KIAA1191: variants seen among roughly 807,000 people sequenced by gnomAD.
KIAA1191 encodes KIAA1191.
A neutral mutation model predicts 31.1 loss-of-function variants in KIAA1191; 22 were observed. That is an observed-to-expected ratio of 0.71 (90% confidence interval 0.51 to 1.01). KIAA1191 has a LOEUF of 1.01. Among genes scored for constraint, KIAA1191 ranks in the 50% least tolerant of loss-of-function variants. The pLI, the probability that KIAA1191 is intolerant of heterozygous loss-of-function variation, is 0.00. For synonymous variants in KIAA1191, 130 were observed against 143.9 expected, an observed-to-expected ratio of 0.90 and a Z score of 0.69; for missense variants, 319 against 388.0, an observed-to-expected ratio of 0.82 and a Z score of 1.49.
At position 176,355,923 on chromosome 5, in the gene KIAA1191, C is replaced by G. The variant is rs1157328608; in HGVS notation, c.29-174G>C. 3 of 650,498 alleles carry G rather than the reference C, an allele frequency of 4.6e-6. No homozygotes were observed. The highest frequency in any genetic ancestry group is 8.1e-6 in the Non-Finnish European group (3 of 368,438). 40.3% of individuals were successfully genotyped at this position (650,498 alleles called of 1,614,324 possible). A position where few individuals can be genotyped will look rare whatever the true frequency, so the allele number is the denominator to read the frequency against. On this transcript the variant is annotated intron_variant, in intron 3 of 8. Transcript: ENST00000298569. This position sits in a 1 kb window ranked among gnomAD's most constrained non-coding sequence, Gnocchi z 4.2. ...AAGGCAGTGGTACCAATCCCTTCCT[C>G]TATGCCTGACACCTTGGGTGGTCCA...
intron 6 of KIAA1191, 44 bp downstream of exon 6, chr5:176,350,569 T>G (rs373884677): frequency 5.0e-6 from 8 of 1,604,196 alleles, no homozygotes; most frequent in Non-Finnish European, 6.8e-6. Flanking sequence ...TTTCAAGCCA[T>G]GAACACTGAA....
chr5:176,346,614 G>A lies in KIAA1191; in HGVS notation c.*986C>T, dbSNP rs986740907. The A allele has an allele frequency of 8.5e-5, 13 of 152,262 alleles. No homozygotes were observed. The highest frequency in any genetic ancestry group is 3.9e-4 in the Admixed American group (6 of 15,292). 9.4% of individuals were successfully genotyped at this position (152,262 alleles called of 1,614,324 possible). On this transcript the variant is annotated 3_prime_UTR_variant, in exon 9 of 9. Coordinates refer to ENST00000298569, the MANE Select transcript of KIAA1191 (RefSeq NM_020444.5). Reference sequence around the variant, plus strand: ...TAATCTCACTTTAAAGTGCAAGAAAGGCTCTGCTAGAGTAGTGTTTGTTCT... The same window carrying A: ...TAATCTCACTTTAAAGTGCAAGAAAAGCTCTGCTAGAGTAGTGTTTGTTCT...
At position 176,355,758 on chromosome 5, in the gene KIAA1191, A is replaced by C; in HGVS notation, c.29-9T>G. 1 of 1,613,988 alleles carries C rather than the reference A, an allele frequency of 6.2e-7. No individual in the cohort carries two copies. ...CGCACTAGCCTCAAGAGCTAAGAAC[A>C]GAGACACCTGTCAAGACAGGTTCAG... On this transcript the variant is annotated splice_polypyrimidine_tract_variant and intron_variant, in intron 3 of 8. Transcript: ENST00000298569. The surrounding 1 kb of genome is among the most constrained non-coding windows in gnomAD (Gnocchi z 4.2).
chr5:176,360,822 T>TA (rs944174050), intron 1 of KIAA1191, among the ~76,000 whole-genome samples: 1 of 151,498 alleles, frequency 6.6e-6, no homozygotes, highest in African/African-American at 2.4e-5. Flanking sequence ...TTAAAAAAAT[T>TA]AAAAAAATGT....
chr5:176,360,786 G>A (rs1445353422), intron 1 of KIAA1191, among the ~76,000 whole-genome samples: 1 of 151,982 alleles, frequency 6.6e-6, no homozygotes, highest in Non-Finnish European at 1.5e-5. Flanking sequence ...GGGCGACGGA[G>A]TGAGACTCGG....
rs1224127788 is a variant in KIAA1191 at position 176,347,190 on chromosome 5, G to GT, written c.*409dup. On this transcript the variant is annotated 3_prime_UTR_variant, in exon 9 of 9. Coordinates refer to ENST00000298569, the MANE Select transcript of KIAA1191 (RefSeq NM_020444.5). ...TCCAGCTCTAGCCTCAATTTAATAG[G>GT]TTTTTTACTTTACTTTATTTATTTA... The GT allele has an allele frequency of 6.5e-6, 1 of 152,748 alleles. No homozygotes were observed. Among genetic ancestry groups the GT allele is most frequent in the Non-Finnish European group, 1.5e-5 (1 of 68,524 alleles). 9.5% of individuals were successfully genotyped at this position (152,748 alleles called of 1,614,324 possible).
rs1768025936 is a variant in KIAA1191 at position 176,361,649 on chromosome 5, T to G, written c.-215A>C. 6.6e-6 allele frequency: 1 copy of G among 152,360 alleles called. No homozygotes were observed. Among genetic ancestry groups the G allele is most frequent in the Admixed American group, 6.5e-5 (1 of 15,284 alleles). The allele number at this position is 152,360 out of a possible 1,614,324, so 9.4% of individuals were successfully genotyped here. On this transcript the variant is annotated 5_prime_UTR_variant, in exon 1 of 9. The change abolishes the stop of an existing upstream ORF in the 5' untranslated region. Transcript: ENST00000298569. This position sits in a 1 kb window ranked among gnomAD's most constrained non-coding sequence, Gnocchi z 4.0. Reference sequence around the variant, plus strand: ...CTGCCTGCGGCCCGGAGTCCGGCACTAAAAAGGTTCCGAGGGCCCACGTCT... The same window carrying G: ...CTGCCTGCGGCCCGGAGTCCGGCACGAAAAAGGTTCCGAGGGCCCACGTCT...
At chr5:176,349,050 C>T (rs10516135) in intron 6 of KIAA1191, 9,199 of 152,398 alleles carry the variant, frequency 0.06, 369 homozygotes, top group African/African-American at 0.11. Context: ...TTTTCTCAAA[C>T]GCTCAACAGA....
At chr5:176,349,238 C>T (rs1006649219) in intron 6 of KIAA1191, among the ~76,000 whole-genome samples, 11 of 152,200 alleles carry the variant, frequency 7.2e-5, no homozygotes, top group Non-Finnish European at 1.3e-4. Flanking sequence ...CTGGAAAGTT[C>T]TCAGTTAAGG....
rs1257184785 is a variant in KIAA1191, at chr5:176,347,745, G to A, written c.773C>T (p.Ala258Val). 1 of 1,610,494 alleles carries A rather than the reference G, an allele frequency of 6.2e-7. No homozygotes were observed. Among genetic ancestry groups the A allele is most frequent in the Admixed American group, 1.7e-5 (1 of 59,280 alleles). Reference protein sequence around the residue: ...QKPSPLELIRAQANRMAEDPA... With the variant: ...QKPSPLELIRVQANRMAEDPA... ...ATCTTCAGCCATTCGGTTGGCCTGG[G>A]CACGTATCAGTTCCAATGGAGAGGG... The change falls in exon 9 of 9, where the codon GCC becomes GTC. Residue 258 changes from alanine to valine, a missense_variant. By Grantham distance (64) the Ala-to-Val change is moderately conservative. Coordinates refer to ENST00000298569, the MANE Select transcript of KIAA1191 (RefSeq NM_020444.5).
intron 4 of KIAA1191, among the ~76,000 whole-genome samples, 173 bp from the exon 5 acceptor site, chr5:176,352,921 A>G (rs1767161706): frequency 6.6e-6 from 1 of 152,216 alleles, no homozygotes; most frequent in Non-Finnish European, 1.5e-5. Flanking sequence ...TTATCCATAG[A>G]GACAACAAAG....
intron 3 of KIAA1191, among the ~76,000 whole-genome samples, chr5:176,357,634 ACT>A (rs1219898006): frequency 2.0e-5 from 3 of 152,152 alleles, no homozygotes; most frequent in African/African-American, 7.2e-5. Context: ...CGGTGCACAC[ACT>A]CTGCATGCAA....
At chr5:176,351,347 A>G (rs1289803605) in intron 5 of KIAA1191, among the ~76,000 whole-genome samples, 1 of 152,090 alleles carries the variant, frequency 6.6e-6, no homozygotes, top group Non-Finnish European at 1.5e-5. Flanking sequence ...TCTCAAAAAA[A>G]AAAAAAAAGT....
chr5:176,348,452 T>G, intron 6 of KIAA1191, 96 bp from the exon 7 acceptor site: 1 of 825,842 alleles, frequency 1.2e-6, no homozygotes, highest in Non-Finnish European at 2.0e-6. Flanking sequence ...CATTCTAACT[T>G]TAGGCAGAAG....
At chr5:176,359,133 A>G (rs908786314) in intron 3 of KIAA1191, among the ~76,000 whole-genome samples, 3 of 146,664 alleles carry the variant, frequency 2.0e-5, no homozygotes, top group African/African-American at 7.6e-5. Context: ...AGCCTGGCCA[A>G]TATGGTGAAA....
intron 5 of KIAA1191, among the ~76,000 whole-genome samples, chr5:176,352,253 A>G (rs1307488633): frequency 6.6e-6 from 1 of 151,850 alleles, no homozygotes; most frequent in Non-Finnish European, 1.5e-5. Context: ...TAACAGCAGC[A>G]GCTGCCGCCA....
In KIAA1191 at chr5:176,347,643, A is replaced by G. The variant is rs751890821; in HGVS notation, c.875T>C (p.Leu292Pro). The G allele has an allele frequency of 2.6e-6, 4 of 1,544,558 alleles. No homozygotes were observed. Among genetic ancestry groups the G allele is most frequent in the Non-Finnish European group, 2.6e-6 (3 of 1,148,586 alleles). The change falls in exon 9 of 9, where the codon CTC (leucine) becomes CCC (proline). Residue 292 changes from leucine to proline, a missense_variant. Coordinates refer to ENST00000298569, the MANE Select transcript of KIAA1191 (RefSeq NM_020444.5). The stretch of plus-strand genomic sequence containing the variant: ...GAGCACATTCAGGTCACGGGGTTTG[A>G]GGTTATGGGCCCGTGGTGGCTGTTT... ...GKKQPPRAHN[L>P]KPRDLNVLTP...
intron 5 of KIAA1191, 69 bp downstream of exon 5, chr5:176,352,553 C>G: frequency 6.4e-7 from 1 of 1,555,882 alleles, no homozygotes; most frequent in Non-Finnish European, 8.7e-7. Context: ...CATCTCCAAT[C>G]AGCTTGTAGG....
intron 6 of KIAA1191, among the ~76,000 whole-genome samples, chr5:176,350,272 C>T (rs944964050): frequency 6.6e-6 from 1 of 152,216 alleles, no homozygotes; most frequent in Admixed American, 6.5e-5. Context: ...CAAAAACATT[C>T]CAATTCCACA....
Sources: allele counts gnomAD v4.1 joint callset (sites outside exome capture counted in the v4.1 genomes callset), GRCh38; gene constraint gnomAD v4.1.1; non-coding constraint Gnocchi (gnomAD v3.1); transcripts MANE v1.5; gene names NCBI Gene and HGNC (gene_info 2026-07-23, HGNC 2026-07-21).